VMP1: variants seen among roughly 807,000 people sequenced by gnomAD.
VMP1 encodes the protein vacuole membrane protein 1.
A neutral mutation model predicts 56.0 loss-of-function variants in VMP1; 11 were observed. The ratio of observed to expected loss-of-function variants is 0.20; its 90% CI spans 0.12 to 0.32. The LOEUF is 0.32. VMP1 is among the 10% of genes least tolerant of loss of function. The pLI is 1.00. For synonymous variants in VMP1, 149 were observed against 165.0 expected (o/e 0.90, Z 0.74); for missense variants, 296 against 490.3 (o/e 0.60, Z 3.74).
intron 1 of VMP1, among the ~76,000 whole-genome samples, chr17:59,717,996 A>T (rs1410475675): frequency 6.6e-6 from 1 of 152,020 alleles, no homozygotes; most frequent in African/African-American, 2.4e-5. Flanking sequence ...TGATGAGTTG[A>T]GTGTATTTTA....
chr17:59,726,924 C>T (rs1029321288), intron 1 of VMP1, among the ~76,000 whole-genome samples: 10 of 152,152 alleles, frequency 6.6e-5, no homozygotes, highest in African/African-American at 1.7e-4. Context: ...CTGTGAGCTC[C>T]GATAGTGCTT....
intron 10 of VMP1, among the ~76,000 whole-genome samples, chr17:59,829,115 C>A (rs1432697160): frequency 2.6e-5 from 4 of 152,048 alleles, no homozygotes; most frequent in Non-Finnish European, 5.9e-5. Context: ...GACTCCGTCT[C>A]CAAAAACAAA....
intron 9 of VMP1, among the ~76,000 whole-genome samples, chr17:59,815,702 A>C (rs932510035): frequency 4.0e-5 from 6 of 151,872 alleles, no homozygotes; most frequent in African/African-American, 1.5e-4. Context: ...AAAAAATACA[A>C]AAAAATTAGC....
intron 5 of VMP1, among the ~76,000 whole-genome samples, chr17:59,748,619 G>T (rs1011592475): frequency 3.3e-5 from 5 of 152,154 alleles, no homozygotes; most frequent in African/African-American, 1.2e-4. Flanking sequence ...CCTAGTAAAT[G>T]CAAGGTATTC....
At chr17:59,820,958 T>C (rs1427482302) in intron 10 of VMP1, among the ~76,000 whole-genome samples, 1 of 151,908 alleles carries the variant, frequency 6.6e-6, no homozygotes, top group African/African-American at 2.4e-5. Context: ...ATCTTATGTC[T>C]TTCTTTCTTT....
chr17:59,814,199 G>A lies in VMP1; in HGVS notation c.912+2413G>A, dbSNP rs530760231. ...TCACCATATTGGCCAGGCTGGTCTC[G>A]AACTCCTGACCTCATGATCTGCCCG... is the stretch of plus-strand genomic sequence containing the variant. On this transcript the variant is annotated intron_variant, in intron 9 of 11. Coordinates refer to ENST00000262291, the MANE Select transcript of VMP1 (RefSeq NM_030938.5). Among the ~76,000 whole-genome samples, 9 of 152,264 alleles carry A rather than the reference G, an allele frequency of 5.9e-5. No individual in the cohort carries two copies. In the South Asian group the frequency reaches 6.2e-4, roughly 11 times the overall value.
chr17:59,745,728 C>G (rs2035399477), intron 5 of VMP1, among the ~76,000 whole-genome samples: 1 of 152,152 alleles, frequency 6.6e-6, no homozygotes, highest in Admixed American at 6.5e-5. Context: ...ATGAAACAGG[C>G]ACCTCTGCAA....
intron 2 of VMP1, among the ~76,000 whole-genome samples, chr17:59,734,250 C>A (rs2034936346): frequency 6.6e-6 from 1 of 152,026 alleles, no homozygotes; most frequent in Non-Finnish European, 1.5e-5. Flanking sequence ...TATAGTAGCC[C>A]CCTTATCCAT....
intron 1 of VMP1, among the ~76,000 whole-genome samples, chr17:59,714,046 GAAAAAAAAAAAA>G (rs771155795): frequency 3.2e-5 from 2 of 61,784 alleles, no homozygotes; most frequent in African/African-American, 5.0e-5. Flanking sequence ...GTCTTAAAAG[GAAAAAAAAAAAA>G]AAAAAAAAAG....
chr17:59,772,950 C>CTGTTTTTTTTTTTTTTT (rs2036481745), intron 6 of VMP1, among the ~76,000 whole-genome samples: 1 of 55,676 alleles, frequency 1.8e-5, no homozygotes, highest in Admixed American at 3.1e-4. Flanking sequence ...CTGGTGAATT[C>CTGTTTTTTTTTTTTTTT]TTTTTTTTTT....
intron 1 of VMP1, chr17:59,707,967 C>T (rs1021042804): frequency 2.2e-4 from 34 of 152,320 alleles, no homozygotes; most frequent in African/African-American, 8.2e-4. Flanking sequence ...GGTTGGTCAC[C>T]CGGACATTGA....
At position 59,735,378 on chromosome 17, in the gene VMP1, A is replaced by T; in HGVS notation, c.117A>T (p.Glu39Asp). ...ATGAAAAGAAGAGGAGGGAGCGGGA[A>T]GAAAGGCAGAATATTGTCCTGTGGA... ...SVNEKKRRER[E>D]ERQNIVLWRQ... is the part of the protein sequence containing the mutation. Residue 39 changes from glutamate to aspartate, a missense_variant, in exon 3 of 12, where the codon GAA becomes GAT. Glu to Asp is a conservative substitution (Grantham distance 45). Coordinates refer to ENST00000262291, the MANE Select transcript of VMP1 (RefSeq NM_030938.5). 1 of 1,614,156 alleles carries T rather than the reference A, an allele frequency of 6.2e-7. No homozygotes were observed. The highest frequency in any genetic ancestry group is 8.5e-7 in the Non-Finnish European group (1 of 1,180,020).
chr17:59,801,636 T>TA (rs1390754197), intron 7 of VMP1, among the ~76,000 whole-genome samples: 1 of 152,144 alleles, frequency 6.6e-6, no homozygotes, highest in Admixed American at 6.6e-5. Context: ...GGCTCATGCC[T>TA]ATAATCCCAG....
chr17:59,766,412 G>A (rs1203458984), intron 6 of VMP1, among the ~76,000 whole-genome samples: 2 of 152,140 alleles, frequency 1.3e-5, no homozygotes, highest in Non-Finnish European at 2.9e-5. Flanking sequence ...GCTGAGGCAT[G>A]AGAATTGCTT....
intron 3 of VMP1, 30 bp downstream of exon 3, chr17:59,735,503 A>G (rs1456193767): frequency 1.2e-6 from 2 of 1,611,236 alleles, no homozygotes; most frequent in Non-Finnish European, 1.7e-6. Context: ...TACCTTTTAC[A>G]TACACCTCAT....
intron 5 of VMP1, 140 bp from the exon 6 acceptor site, chr17:59,764,831 A>T (rs1020197831): frequency 1.6e-5 from 9 of 576,194 alleles, no homozygotes; most frequent in Non-Finnish European, 2.4e-5. Context: ...TACTAACTGC[A>T]TCTTGAAATT....
At position 59,719,334 on chromosome 17, in the gene VMP1, C is replaced by CAAAT. The variant is rs2034301576; in HGVS notation, c.-27+11589_-27+11590insTAAA. ...ACCCTGTCACAAACAAACAAACAAA[C>CAAAT]AAACAAATAGATACTTCTGAAAGCA... On this transcript the variant is annotated intron_variant, in intron 1 of 11. Transcript: ENST00000262291. Among the ~76,000 whole-genome samples, 5 of 151,884 alleles carry CAAAT rather than the reference C, an allele frequency of 3.3e-5. 1 individual carries two copies. In the South Asian group the frequency reaches 1.0e-3, roughly 32 times the overall value.
At chr17:59,732,523 A>C (rs1411089315) in intron 2 of VMP1, among the ~76,000 whole-genome samples, 1 of 149,160 alleles carries the variant, frequency 6.7e-6, no homozygotes, top group Admixed American at 6.8e-5. Flanking sequence ...GATTACAGGC[A>C]TGAGCCACCG....
intron 6 of VMP1, among the ~76,000 whole-genome samples, chr17:59,771,604 T>G (rs1598369708): frequency 6.7e-6 from 1 of 150,318 alleles, no homozygotes; most frequent in East Asian, 1.9e-4. Context: ...TTGGTTTTTT[T>G]GGTTTTTTTT....
Sources: gnomAD v4.1 joint callset for allele counts (sites outside exome capture counted in the v4.1 genomes callset) on GRCh38, gnomAD v4.1.1 for gene constraint, MANE v1.5 for transcripts, NCBI Gene and HGNC (gene_info 2026-07-23, HGNC 2026-07-21) for gene names.